The following AK5 variants were observed in gnomAD, a reference collection of about 807,000 sequenced individuals.
The protein encoded by AK5 is adenylate kinase isoenzyme 5.
In AK5, 27 loss-of-function variants were observed where a neutral mutation model predicts 69.5. That is an observed-to-expected ratio of 0.39 (90% confidence interval 0.29 to 0.54). The LOEUF (loss-of-function observed/expected upper bound fraction) is 0.54. Among genes scored for constraint, AK5 ranks in the 20% least tolerant of loss-of-function variants. The probability of loss-of-function intolerance (pLI) is 0.71; values close to 1 mark genes in which losing one functional copy is unlikely to be tolerated. For synonymous variants in AK5, 260 were observed against 244.4 expected (o/e 1.06, Z -0.60); for missense variants, 531 against 700.4 (o/e 0.76, Z 2.73).
intron 6 of AK5, among the ~76,000 whole-genome samples, chr1:77,392,231 G>A (rs1648535372): frequency 6.6e-6 from 1 of 152,198 alleles, no homozygotes; most frequent in East Asian, 1.9e-4. Context: ...TAAAATGGAT[G>A]TTAATTTTTC....
rs376436599 is a variant in AK5 at position 77,309,910 on chromosome 1, A to G, written c.699+11963A>G. ...CTTTCATTTATATTTTTTCTCAGTC[A>G]TGTTCGAGATATGTTTTGTCCTGCA... is the stretch of plus-strand genomic sequence containing the variant. On this transcript the variant is annotated intron_variant, in intron 5 of 13. Coordinates refer to ENST00000354567, the MANE Select transcript of AK5 (RefSeq NM_174858.3). Among the ~76,000 whole-genome samples, 5 of 152,060 alleles carry G rather than the reference A, an allele frequency of 3.3e-5. No individual in the cohort carries two copies. In the East Asian group the frequency reaches 7.7e-4, roughly 23 times the overall value.
intron 12 of AK5, 104 bp downstream of exon 12, chr1:77,522,047 AC>A: frequency 1.1e-6 from 1 of 898,532 alleles, no homozygotes; most frequent in Non-Finnish European, 1.7e-6. Flanking sequence ...ATTAATGAAA[AC>A]TTTAAGGGGC....
intron 5 of AK5, among the ~76,000 whole-genome samples, chr1:77,333,401 T>C (rs904086080): frequency 2.0e-5 from 3 of 152,240 alleles, no homozygotes; most frequent in African/African-American, 7.2e-5. Flanking sequence ...AAATATTTAT[T>C]CTGTTCAAAT....
intron 6 of AK5, among the ~76,000 whole-genome samples, chr1:77,344,788 G>A (rs559095899): frequency 9.3e-5 from 14 of 151,244 alleles, no homozygotes; most frequent in Non-Finnish European, 1.6e-4. Flanking sequence ...CTTTAGCGGT[G>A]ATTTCTGAGA....
At chr1:77,396,120 A>G (rs1469891156) in intron 6 of AK5, among the ~76,000 whole-genome samples, 1 of 152,144 alleles carries the variant, frequency 6.6e-6, no homozygotes, top group Non-Finnish European at 1.5e-5. Context: ...TTCCTGTCAA[A>G]GCCAATTCTT....
chr1:77,330,516 T>C (rs1369639040), intron 5 of AK5, among the ~76,000 whole-genome samples: 1 of 152,218 alleles, frequency 6.6e-6, no homozygotes, highest in Admixed American at 6.5e-5. Context: ...CCCTACTGCA[T>C]TGCAGAGCCA....
chr1:77,400,806 C>T (rs942555776), intron 6 of AK5, among the ~76,000 whole-genome samples: 4 of 151,954 alleles, frequency 2.6e-5, no homozygotes, highest in Non-Finnish European at 5.9e-5. Flanking sequence ...GTACAGAAGG[C>T]TTAGAAAATA....
intron 8 of AK5, among the ~76,000 whole-genome samples, chr1:77,479,026 G>C (rs770684715): frequency 4.6e-5 from 7 of 151,846 alleles, no homozygotes; most frequent in Non-Finnish European, 7.4e-5. Context: ...GAAGATGAGG[G>C]ATAGAGACCA....
At chr1:77,526,702 CCTGACCTCGTGAT>C in intron 12 of AK5, among the ~76,000 whole-genome samples, 1 of 151,402 alleles carries the variant, frequency 6.6e-6, no homozygotes, top group South Asian at 2.1e-4. Flanking sequence ...GTCTTGATCT[CCTGACCTCGTGAT>C]CTGCCCTCTC....
At chr1:77,357,202 C>T (rs761053494) in intron 6 of AK5, among the ~76,000 whole-genome samples, 3 of 151,910 alleles carry the variant, frequency 2.0e-5, no homozygotes, top group Non-Finnish European at 4.4e-5. Flanking sequence ...TTGCAAGGAA[C>T]TCAATGATAA....
chr1:77,437,925 T>C (rs138697652), intron 8 of AK5, among the ~76,000 whole-genome samples: 102 of 152,236 alleles, frequency 6.7e-4, no homozygotes, highest in African/African-American at 2.3e-3. Context: ...TTGTAAACCT[T>C]AATCTAGTTC....
At position 77,359,762 on chromosome 1, in the gene AK5, A is replaced by T. The variant is rs543187768; in HGVS notation, c.891+19194A>T. 2.6e-5 allele frequency among the ~76,000 whole-genome samples: 4 copies of T among 152,342 alleles called. 1 individual carries two copies. In the South Asian group the frequency reaches 8.3e-4, roughly 32 times the overall value. On this transcript the variant is annotated intron_variant, in intron 6 of 13. Coordinates refer to ENST00000354567, the MANE Select transcript of AK5 (RefSeq NM_174858.3). Reference sequence around the variant, plus strand: ...AAATCCTCTCCCTATGTAATTCGCTAGCTTTACTTCACATTATTTATTTGG... The same window carrying T: ...AAATCCTCTCCCTATGTAATTCGCTTGCTTTACTTCACATTATTTATTTGG...
chr1:77,323,191 C>T (rs1297919264), intron 5 of AK5, among the ~76,000 whole-genome samples: 1 of 152,058 alleles, frequency 6.6e-6, no homozygotes, highest in Non-Finnish European at 1.5e-5. Flanking sequence ...AGAGTTTCGC[C>T]ATGTTGGCCG....
At position 77,440,577 on chromosome 1, in the gene AK5, A is replaced by C. The variant is rs549301197; in HGVS notation, c.1059+22862A>C. Among the ~76,000 whole-genome samples, 3 of 152,238 alleles carry C rather than the reference A, an allele frequency of 2.0e-5. No individual in the cohort carries two copies. In the East Asian group the frequency reaches 5.8e-4, roughly 29 times the overall value. On this transcript the variant is annotated intron_variant, in intron 8 of 13. Coordinates refer to ENST00000354567, the MANE Select transcript of AK5 (RefSeq NM_174858.3). ...TTAAATAGGCTTTTTTACACCCTTT[A>C]CAACATCTTCTCTTTCTGAAACTTC...
Position 77,530,084 on chromosome 1 carries a change from A to T in AK5, c.1429-5763A>T, listed in dbSNP as rs576283792. Among the ~76,000 whole-genome samples, 3 of 152,272 alleles carry T rather than the reference A, an allele frequency of 2.0e-5. No homozygotes were observed. In the South Asian group the frequency reaches 6.2e-4, roughly 32 times the overall value. ...CTAATCTTCAGAATGAGCTCTTAACACACACACACGTGCACATATGCACAC... is the reference window on the plus strand; with the variant it reads ...CTAATCTTCAGAATGAGCTCTTAACTCACACACACGTGCACATATGCACAC... On this transcript the variant is annotated intron_variant, in intron 12 of 13. Transcript: ENST00000354567.
intron 5 of AK5, among the ~76,000 whole-genome samples, chr1:77,322,152 A>T (rs541855805): frequency 5.9e-5 from 9 of 152,158 alleles, no homozygotes; most frequent in Non-Finnish European, 1.3e-4. Context: ...AAATACGTGG[A>T]TGGGATAGAG....
intron 5 of AK5, among the ~76,000 whole-genome samples, chr1:77,310,891 A>C (rs1319684252): frequency 3.9e-5 from 6 of 152,134 alleles, no homozygotes; most frequent in Non-Finnish European, 7.3e-5. Flanking sequence ...GTTCTTCATT[A>C]AATAAGGTTT....
At chr1:77,519,474 AG>A (rs1657859679) in intron 11 of AK5, among the ~76,000 whole-genome samples, 2 of 152,208 alleles carry the variant, frequency 1.3e-5, no homozygotes, top group African/African-American at 4.8e-5. Flanking sequence ...GTTACCAGAA[AG>A]GGGTCCCAAT....
intron 2 of AK5, among the ~76,000 whole-genome samples, chr1:77,290,418 T>C (rs2100648164): frequency 6.6e-6 from 1 of 152,368 alleles, no homozygotes; most frequent in African/African-American, 2.4e-5. Context: ...GTGTTATTAC[T>C]ATGAAAAATT....
Sources: gnomAD v4.1 joint callset for allele counts (sites outside exome capture counted in the v4.1 genomes callset) on GRCh38, gnomAD v4.1.1 for gene constraint, MANE v1.5 for transcripts, NCBI Gene and HGNC (gene_info 2026-07-23, HGNC 2026-07-21) for gene names.